Variants in RBMS2 observed in about 807,000 individuals in gnomAD.
RBMS2 encodes the protein RNA-binding motif, single-stranded-interacting protein 2.
In RBMS2, 38 loss-of-function variants were observed where a neutral mutation model predicts 58.4. That is an observed-to-expected ratio of 0.65 (90% CI 0.50 to 0.85). The LOEUF (loss-of-function observed/expected upper bound fraction) is 0.85, where lower values mean the gene tolerates loss of function less well. RBMS2 is among the 40% of genes least tolerant of loss of function. The pLI, the probability that RBMS2 is intolerant of heterozygous loss-of-function variation, is 0.00. For missense variants in RBMS2, 367 were observed against 503.7 expected (o/e 0.73, Z 2.60); for synonymous variants, 151 against 180.7 (o/e 0.84, Z 1.32).
chr12:56,587,827 C>A, intron 11 of RBMS2, 163 bp downstream of exon 11: 2 of 701,236 alleles, frequency 2.9e-6, no homozygotes, highest in Non-Finnish European at 1.8e-6. Flanking sequence ...GCTCCATGAG[C>A]CAGGAATACA....
At chr12:56,558,847 G>A (rs555416637) in intron 1 of RBMS2, among the ~76,000 whole-genome samples, 4 of 151,826 alleles carry the variant, frequency 2.6e-5, no homozygotes, top group Non-Finnish European at 4.4e-5. Flanking sequence ...GGATCCGCCT[G>A]CTTCAGCCTC....
At chr12:56,541,111 A>C (rs1876014150) in intron 1 of RBMS2, among the ~76,000 whole-genome samples, 1 of 151,854 alleles carries the variant, frequency 6.6e-6, no homozygotes, top group Non-Finnish European at 1.5e-5. Flanking sequence ...AAAAAAAAAA[A>C]AAAACCCCAA....
In RBMS2 at chr12:56,533,550, G is replaced by A. The variant is rs556089558; in HGVS notation, c.66+11461G>A. Among the ~76,000 whole-genome samples the A allele has an allele frequency of 4.0e-5, 6 of 150,050 alleles. No individual in the cohort carries two copies. In the South Asian group the frequency reaches 8.5e-4, roughly 21 times the overall value. ...CATGTCTCAGCCTTCTGAGTAGGTGGGACTATAGGCGCATGCCACTACACC... is the reference window on the plus strand; with the variant it reads ...CATGTCTCAGCCTTCTGAGTAGGTGAGACTATAGGCGCATGCCACTACACC... On this transcript the variant is annotated intron_variant, in intron 1 of 13. Coordinates refer to ENST00000262031, the MANE Select transcript of RBMS2 (RefSeq NM_002898.4).
chr12:56,558,038 C>CTTTT (rs34784910), intron 1 of RBMS2, among the ~76,000 whole-genome samples: 3 of 28,542 alleles, frequency 1.1e-4, no homozygotes, highest in African/African-American at 2.4e-4. Flanking sequence ...CTCGCCCGGG[C>CTTTT]TTTTTTTTTT....
intron 9 of RBMS2, among the ~76,000 whole-genome samples, chr12:56,583,895 A>G (rs1884314305): frequency 6.6e-6 from 1 of 152,174 alleles, no homozygotes; most frequent in Non-Finnish European, 1.5e-5. Context: ...CTTTGTTACA[A>G]ATTTTTTTCC....
intron 1 of RBMS2, among the ~76,000 whole-genome samples, chr12:56,533,423 T>TTTTTTTG (rs1874168641): frequency 7.5e-6 from 1 of 134,072 alleles, no homozygotes; most frequent in African/African-American, 2.9e-5. Flanking sequence ...TTTTTTTTTT[T>TTTTTTTG]TTTTTTTTTT....
At chr12:56,559,850 CAAAAAAAAAA>C (rs1183186392) in intron 1 of RBMS2, among the ~76,000 whole-genome samples, 1 of 47,416 alleles carries the variant, frequency 2.1e-5, no homozygotes, top group Non-Finnish European at 3.6e-5. Context: ...GACTCTGCCT[CAAAAAAAAAA>C]AAAAAAAAAA....
chr12:56,526,616 GT>G (rs925964532), intron 1 of RBMS2, among the ~76,000 whole-genome samples: 50 of 97,304 alleles, frequency 5.1e-4, no homozygotes, highest in African/African-American at 1.0e-3. Flanking sequence ...ATAATTTTGT[GT>G]TTTTTTTTTT....
Position 56,589,205 on chromosome 12 carries a change from A to G in RBMS2, c.*72A>G, listed in dbSNP as rs1885114681. ...GGAGATACTCATGCTCCCAGATTCC[A>G]GAGGGTTAACCAGGAATGGAGACCA... On this transcript the variant is annotated 3_prime_UTR_variant, in exon 14 of 14. Transcript: ENST00000262031. The G allele has an allele frequency of 4.6e-6, 7 of 1,516,244 alleles. No individual in the cohort carries two copies. The allele number at this position is 1,516,244 out of a possible 1,614,324, so 93.9% of individuals were successfully genotyped here. A position where few individuals can be genotyped will look rare whatever the true frequency, so the allele number is the denominator to read the frequency against.
intron 2 of RBMS2, 31 bp from the exon 3 acceptor site, chr12:56,568,944 G>T: frequency 6.4e-7 from 1 of 1,566,852 alleles, no homozygotes; most frequent in South Asian, 1.1e-5. Flanking sequence ...CTGCCCCCCA[G>T]ATTATTACTT....
chr12:56,566,401 G>A (rs1881349611), intron 2 of RBMS2, among the ~76,000 whole-genome samples: 1 of 152,210 alleles, frequency 6.6e-6, no homozygotes, highest in South Asian at 2.1e-4. Flanking sequence ...GGAGTGGAAT[G>A]TAGAGGCTTT....
Position 56,541,783 on chromosome 12 carries a change from C to T in RBMS2, c.66+19694C>T, listed in dbSNP as rs553871941. Among the ~76,000 whole-genome samples the T allele has an allele frequency of 5.3e-5, 8 of 152,276 alleles. No homozygotes were observed. In the South Asian group the frequency reaches 1.7e-3, roughly 32 times the overall value. On this transcript the variant is annotated intron_variant, in intron 1 of 13. Coordinates refer to ENST00000262031, the MANE Select transcript of RBMS2 (RefSeq NM_002898.4). ...AGTAGCAAAGCTGAGTGTATACTCT[C>T]TGCAGCTAGCTGGATCTCAAAATAG...
intron 1 of RBMS2, among the ~76,000 whole-genome samples, chr12:56,529,183 GTCCA>G: frequency 6.6e-6 from 1 of 152,270 alleles, no homozygotes; most frequent in East Asian, 1.9e-4. Context: ...CAACCCAAAT[GTCCA>G]TCAACTGATG....
In RBMS2 at chr12:56,588,940, C is replaced by T. The variant is rs373100990; in HGVS notation, c.1152C>T (p.Ser384=). The T allele has an allele frequency of 5.5e-5, 89 of 1,614,096 alleles. No individual in the cohort carries two copies. Among genetic ancestry groups the T allele is most frequent in the South Asian group, 8.8e-5 (8 of 91,078 alleles). ...PSSSVSVEES[S]GQQNQVAVDA... ...CCTTGGCTATGGCACAGGAGAGCAG[C>T]GGCCAACAGAACCAAGTGGCAGTGG... is the stretch of plus-strand genomic sequence containing the variant. Residue 384 remains serine (S), a synonymous_variant, in exon 13 of 14, where the codon AGC becomes AGT. Coordinates refer to ENST00000262031, the MANE Select transcript of RBMS2 (RefSeq NM_002898.4).
chr12:56,534,681 G>T (rs543748032), intron 1 of RBMS2, among the ~76,000 whole-genome samples: 5 of 151,832 alleles, frequency 3.3e-5, no homozygotes, highest in Non-Finnish European at 7.4e-5. Context: ...TCGCTCTGTC[G>T]CCCAGGCTGG....
chr12:56,573,400 C>T (rs1318280481), intron 5 of RBMS2, among the ~76,000 whole-genome samples: 1 of 148,498 alleles, frequency 6.7e-6, no homozygotes, highest in Non-Finnish European at 1.5e-5. Flanking sequence ...TCACTTGAAC[C>T]CGGGAGGCGG....
intron 1 of RBMS2, among the ~76,000 whole-genome samples, chr12:56,549,773 T>A (rs2136340397): frequency 6.6e-6 from 1 of 152,188 alleles, no homozygotes; most frequent in East Asian, 1.9e-4. Flanking sequence ...ATGCCTATAA[T>A]CCCAGCACTT....
chr12:56,544,744 C>A (rs893672713), intron 1 of RBMS2, among the ~76,000 whole-genome samples: 5 of 132,468 alleles, frequency 3.8e-5, no homozygotes, highest in Admixed American at 2.8e-4. Context: ...CCATGCCCAG[C>A]TAATTTTTAA....
chr12:56,578,154 C>T (rs1028665670), intron 5 of RBMS2, among the ~76,000 whole-genome samples: 13 of 149,350 alleles, frequency 8.7e-5, no homozygotes, highest in African/African-American at 2.2e-4. Context: ...TTTGAGATGG[C>T]GTCTCGCTCT....
Sources: gnomAD v4.1 joint callset for allele counts (sites outside exome capture counted in the v4.1 genomes callset) on GRCh38, gnomAD v4.1.1 for gene constraint, MANE v1.5 for transcripts, NCBI Gene and HGNC (gene_info 2026-07-23, HGNC 2026-07-21) for gene names.